SYT1: variants seen among roughly 807,000 people sequenced by gnomAD.
SYT1 encodes the protein synaptotagmin 1.
SYT1 carries 8 observed loss-of-function variants against 44.8 expected under a neutral mutation model. The observed-to-expected ratio is 0.18, with a 90% CI of 0.10 to 0.32. The LOEUF is 0.32. SYT1 is among the 10% of genes least tolerant of loss of function. The pLI, the probability that SYT1 is intolerant of heterozygous loss-of-function variation, is 1.00. For missense variants in SYT1, 286 were observed against 509.3 expected (o/e 0.56, Z 4.22); for synonymous variants, 154 against 188.8 (o/e 0.82, Z 1.51).
intron 1 of SYT1, among the ~76,000 whole-genome samples, chr12:78,881,204 A>G (rs1043672291): frequency 2.0e-5 from 3 of 151,398 alleles, no homozygotes; most frequent in Admixed American, 6.6e-5. Flanking sequence ...ACCCCCAAAT[A>G]CTTCCCTCCT....
chr12:78,882,456 C>A (rs1253895219), intron 1 of SYT1, among the ~76,000 whole-genome samples: 1 of 151,606 alleles, frequency 6.6e-6, no homozygotes, highest in Non-Finnish European at 1.5e-5. Context: ...TGTAATATGG[C>A]TGACTCTTTA....
intron 2 of SYT1, among the ~76,000 whole-genome samples, chr12:79,000,707 G>A (rs998994200): frequency 1.3e-5 from 2 of 152,108 alleles, no homozygotes; most frequent in African/African-American, 4.8e-5. Context: ...ATTTCCTAAT[G>A]GTGCCTTAGT....
Position 78,869,813 on chromosome 12 carries a change from A to G in SYT1, c.-217+4704A>G, listed in dbSNP as rs188838281. ...CCTTAAGTTCTGATTGCTGATTTCC[A>G]TACTTTACTAATAATGCAAATGAGA... On this transcript the variant is annotated intron_variant, in intron 1 of 10. Transcript: ENST00000261205. Among the ~76,000 whole-genome samples the G allele has an allele frequency of 2.2e-3, 342 of 152,134 alleles. 3 individuals carry two copies. Among genetic ancestry groups the G allele is most frequent in the African/African-American group, 7.8e-3 (322 of 41,548 alleles).
chr12:78,924,282 C>A (rs913141396), intron 1 of SYT1, among the ~76,000 whole-genome samples: 1 of 151,850 alleles, frequency 6.6e-6, no homozygotes, highest in Non-Finnish European at 1.5e-5. Context: ...CTAGTATAGG[C>A]AATGTCTGCC....
At chr12:78,883,561 A>G (rs1245767346) in intron 1 of SYT1, among the ~76,000 whole-genome samples, 1 of 151,678 alleles carries the variant, frequency 6.6e-6, no homozygotes, top group African/African-American at 2.4e-5. Context: ...TAAGTTTCAA[A>G]TAAAATATGG....
At chr12:79,351,215 CT>C (rs1359573412) in intron 8 of SYT1, among the ~76,000 whole-genome samples, 5 of 152,200 alleles carry the variant, frequency 3.3e-5, no homozygotes, top group Non-Finnish European at 5.9e-5. Context: ...ATTTCTCCTG[CT>C]TCCGAGCATG....
At chr12:79,307,569 C>T (rs1218305104) in intron 8 of SYT1, among the ~76,000 whole-genome samples, 1 of 145,866 alleles carries the variant, frequency 6.9e-6, no homozygotes, top group African/African-American at 2.5e-5. Context: ...ACTTCCGGGG[C>T]GCCTGGCCCT....
chr12:78,867,821 C>T (rs555294235), intron 1 of SYT1, among the ~76,000 whole-genome samples: 5 of 151,818 alleles, frequency 3.3e-5, no homozygotes, highest in East Asian at 1.9e-4. Context: ...TGTATTTATA[C>T]GATTTGCATA....
intron 1 of SYT1, among the ~76,000 whole-genome samples, chr12:78,975,910 TG>T (rs1868796137): frequency 6.6e-6 from 1 of 152,154 alleles, no homozygotes; most frequent in Non-Finnish European, 1.5e-5. Flanking sequence ...AAATCACAAA[TG>T]GGTAAAACCA....
At chr12:79,317,117 G>A (rs1325108783) in intron 8 of SYT1, among the ~76,000 whole-genome samples, 4 of 152,110 alleles carry the variant, frequency 2.6e-5, no homozygotes, top group Non-Finnish European at 4.4e-5. Context: ...TTTATGGGGG[G>A]AAAACAATCC....
chr12:78,953,134 G>A (rs1198791798), intron 1 of SYT1, among the ~76,000 whole-genome samples: 1 of 152,094 alleles, frequency 6.6e-6, no homozygotes, highest in African/African-American at 2.4e-5. Context: ...AAGAGCGGTG[G>A]TAGGAATCAA....
rs185024394 is a variant in SYT1 at position 79,367,898 on chromosome 12, T to A, written c.928+14279T>A. On this transcript the variant is annotated intron_variant, in intron 9 of 10. Coordinates refer to ENST00000261205, the MANE Select transcript of SYT1 (RefSeq NM_005639.3). Reference sequence around the variant, plus strand: ...TCCTACAGCAGAGATGATACCTTTTTTTAAAAAAAAAAATTATTATTATAC... The same window carrying A: ...TCCTACAGCAGAGATGATACCTTTTATTAAAAAAAAAAATTATTATTATAC... Among the ~76,000 whole-genome samples, 1,237 of 151,672 alleles carry A rather than the reference T, an allele frequency of 8.2e-3. 8 individuals are homozygous for A. The highest frequency in any genetic ancestry group is 0.027 in the Middle Eastern group (8 of 294).
chr12:79,313,627 AAGAT>A (rs2092408008), intron 8 of SYT1, among the ~76,000 whole-genome samples: 2 of 151,942 alleles, frequency 1.3e-5, no homozygotes, highest in Admixed American at 6.6e-5. Context: ...AACAAAATAA[AAGAT>A]AGACCTGCTA....
chr12:79,274,064 C>G (rs1335153586), intron 4 of SYT1, among the ~76,000 whole-genome samples: 1 of 152,112 alleles, frequency 6.6e-6, no homozygotes, highest in African/African-American at 2.4e-5. Flanking sequence ...AGCCTGGCGA[C>G]AAAGCAAGAC....
rs199654051 is a variant in SYT1 at position 78,972,987 on chromosome 12, T to C, written c.-216-4812T>C. Among the ~76,000 whole-genome samples, 31 of 152,282 alleles carry C rather than the reference T, an allele frequency of 2.0e-4. No individual in the cohort carries two copies. In the East Asian group the frequency reaches 5.6e-3, roughly 27 times the overall value. On this transcript the variant is annotated intron_variant, in intron 1 of 10. Coordinates refer to ENST00000261205, the MANE Select transcript of SYT1 (RefSeq NM_005639.3). The stretch of plus-strand genomic sequence containing the variant: ...AACTTAAAGTCTCAGAGAAATATGT[T>C]AGTTAGGACAAACGTATTTTGCTTT...
At chr12:79,051,353 G>A (rs935987967) in intron 3 of SYT1, among the ~76,000 whole-genome samples, 1 of 149,436 alleles carries the variant, frequency 6.7e-6, no homozygotes, top group African/African-American at 2.4e-5. Context: ...CACTATGTAT[G>A]TATAAAGAGA....
chr12:78,977,994 T>C (rs547516142), intron 2 of SYT1, 63 bp downstream of exon 2: 4 of 152,352 alleles, frequency 2.6e-5, no homozygotes, highest in African/African-American at 7.2e-5. Context: ...TATCCATCCA[T>C]ATCTTTTTAT....
At chr12:79,155,861 A>G (rs1282052379) in intron 3 of SYT1, among the ~76,000 whole-genome samples, 3 of 152,192 alleles carry the variant, frequency 2.0e-5, no homozygotes, top group Non-Finnish European at 4.4e-5. Flanking sequence ...TAGAACTTGA[A>G]TACTTTCAAC....
intron 9 of SYT1, among the ~76,000 whole-genome samples, chr12:79,395,446 T>C (rs1470538955): frequency 6.6e-6 from 1 of 152,210 alleles, no homozygotes; most frequent in East Asian, 1.9e-4. Context: ...CTTGAACTCC[T>C]GACCTCAAGT....
Sources: gnomAD v4.1 joint callset for allele counts (sites outside exome capture counted in the v4.1 genomes callset) on GRCh38, gnomAD v4.1.1 for gene constraint, MANE v1.5 for transcripts, NCBI Gene and HGNC (gene_info 2026-07-23, HGNC 2026-07-21) for gene names.